The following MASP1 variants were observed in gnomAD, a reference collection of about 807,000 sequenced individuals.
The protein encoded by MASP1 is mannan-binding lectin serine protease 1.
In MASP1, 59 loss-of-function variants were observed where a neutral mutation model predicts 77.1. The ratio of observed to expected loss-of-function variants is 0.77; its 90% CI spans 0.62 to 0.95. The LOEUF (loss-of-function observed/expected upper bound fraction) is 0.95, where lower values mean the gene tolerates loss of function less well. Ranked by LOEUF, MASP1 falls within the 40% of genes least tolerant of loss-of-function variation. The probability of loss-of-function intolerance (pLI) is 0.00; values close to 1 mark genes in which losing one functional copy is unlikely to be tolerated. For missense variants in MASP1, 885 were observed against 912.9 expected, an observed-to-expected ratio of 0.97 and a Z score of 0.39; for synonymous variants, 362 against 354.5, an observed-to-expected ratio of 1.02 and a Z score of -0.24.
intron 10 of MASP1, among the ~76,000 whole-genome samples, chr3:187,239,276 C>T (rs999927727): frequency 3.9e-5 from 6 of 152,068 alleles, no homozygotes; most frequent in African/African-American, 1.4e-4. Context: ...TTGCTTGAAC[C>T]CAGGAGGCAG....
chr3:187,228,664 C>T (rs891408406), intron 11 of MASP1, among the ~76,000 whole-genome samples: 2 of 152,106 alleles, frequency 1.3e-5, no homozygotes, highest in African/African-American at 4.8e-5. Flanking sequence ...TTCTGGTCCT[C>T]TGTCTCCCTT....
downstream of MASP1, among the ~76,000 whole-genome samples, chr3:187,232,662 C>T (rs186994866): frequency 3.9e-5 from 6 of 152,280 alleles, no homozygotes; most frequent in Admixed American, 2.0e-4. Context: ...TGTGTCTCCC[C>T]GACTCCATGT....
intron 2 of MASP1, among the ~76,000 whole-genome samples, chr3:187,269,584 G>A (rs957391126): frequency 6.6e-6 from 1 of 152,178 alleles, no homozygotes; most frequent in African/African-American, 2.4e-5. Flanking sequence ...AGAGAGCAAT[G>A]GACTGGGGAT....
chr3:187,262,428 G>A, intron 3 of MASP1, 115 bp downstream of exon 3: 1 of 1,013,492 alleles, frequency 9.9e-7, no homozygotes, highest in South Asian at 1.3e-5. Flanking sequence ...GACATTAATG[G>A]TAAAATCTAT....
downstream of MASP1, chr3:187,229,640 G>A (rs1404404038): frequency 1.5e-5 from 20 of 1,321,204 alleles, no homozygotes; most frequent in Admixed American, 2.0e-5. Flanking sequence ...TCTTTCTACC[G>A]CACTGTGCTT....
chr3:187,250,107 C>T, intron 8 of MASP1, 144 bp downstream of exon 8: 2 of 747,036 alleles, frequency 2.7e-6, no homozygotes, highest in Non-Finnish European at 4.9e-6. Context: ...TCTTTTTTTT[C>T]CCAACCCTTG....
chr3:187,288,634 A>G (rs182840489), intron 1 of MASP1, among the ~76,000 whole-genome samples: 1 of 152,326 alleles, frequency 6.6e-6, no homozygotes, highest in East Asian at 1.9e-4. Flanking sequence ...AGTTCCCAAA[A>G]AGCAAGAGTC....
chr3:187,235,528 T>G lies in MASP1; in HGVS notation c.*156A>C. On this transcript the variant is annotated 3_prime_UTR_variant, in exon 11 of 11. Transcript: ENST00000296280. Reference sequence around the variant, plus strand: ...GGAGCCTTTTCCCTATACCACACTCTGCCTCTCAGGGTCCTGGGGGCTGTC... The same window carrying G: ...GGAGCCTTTTCCCTATACCACACTCGGCCTCTCAGGGTCCTGGGGGCTGTC... The G allele has an allele frequency of 5.2e-6, 8 of 1,534,520 alleles. No homozygotes were observed. The highest frequency in any genetic ancestry group is 6.1e-6 in the Non-Finnish European group (7 of 1,147,380).
intron 14 of MASP1, among the ~76,000 whole-genome samples, chr3:187,221,532 A>G (rs1411891860): frequency 6.6e-6 from 1 of 152,200 alleles, no homozygotes; most frequent in Non-Finnish European, 1.5e-5. Context: ...TGGCTTACTC[A>G]TTGTTTTTCA....
chr3:187,253,390 C>A, intron 5 of MASP1, 75 bp from the exon 6 acceptor site: 2 of 1,464,174 alleles, frequency 1.4e-6, no homozygotes, highest in Non-Finnish European at 9.6e-7. Flanking sequence ...GCAGGTAACA[C>A]CTCTCCACTG....
chr3:187,226,131 T>C (rs1301599992), intron 12 of MASP1: 1 of 468,310 alleles, frequency 2.1e-6, no homozygotes, highest in Non-Finnish European at 3.9e-6. Flanking sequence ...AAACCACAGG[T>C]TCATGGAAAT....
rs773406225 is a variant in MASP1 at position 187,236,581 on chromosome 3, G to A, written c.1304-14C>T. Reference sequence around the variant, plus strand: ...GCTGACCACACTCTGTAAGGAGAAAGAGGGAGCAGGGACAAGAGACAGAGA... The same window carrying A: ...GCTGACCACACTCTGTAAGGAGAAAAAGGGAGCAGGGACAAGAGACAGAGA... On this transcript the variant is annotated splice_polypyrimidine_tract_variant and intron_variant, in intron 10 of 10. Coordinates refer to ENST00000296280, the MANE Select transcript of MASP1 (RefSeq NM_139125.4). 1.2e-6 allele frequency: 2 copies of A among 1,613,746 alleles called. No homozygotes were observed. The highest frequency in any genetic ancestry group is 2.2e-5 in the South Asian group (2 of 91,088).
At chr3:187,220,928 C>A (rs151279132) in intron 15 of MASP1, 1 of 870,430 alleles carries the variant, frequency 1.1e-6, no homozygotes. Context: ...CCCCCGCGCC[C>A]CCACACTGCC....
chr3:187,224,327 G>A lies in MASP1; in HGVS notation c.1741+997C>T, dbSNP rs188309519. ...GGGAAATGGTCACAGTGGTGTTTGA[G>A]CCTGTGCTGAGTATTTTTTTTTTTT... On this transcript the variant is annotated intron_variant, in intron 13 of 15. Coordinates refer to the MASP1 transcript ENST00000337774. 2.0e-3 allele frequency among the ~76,000 whole-genome samples: 305 copies of A among 151,452 alleles called. 1 individual carries two copies. The highest frequency in any genetic ancestry group is 3.9e-3 in the Non-Finnish European group (265 of 67,914).
intron 1 of MASP1, among the ~76,000 whole-genome samples, chr3:187,289,879 C>T (rs1163905473): frequency 1.3e-5 from 2 of 152,170 alleles, no homozygotes; most frequent in Non-Finnish European, 2.9e-5. Flanking sequence ...TTACTTCATC[C>T]AGAATCTGAA....
chr3:187,238,499 C>T (rs373181944), intron 10 of MASP1, among the ~76,000 whole-genome samples: 3 of 152,306 alleles, frequency 2.0e-5, no homozygotes, highest in South Asian at 4.2e-4. Flanking sequence ...CCATTCCCCA[C>T]CCAGTCTTTC....
At chr3:187,226,512 A>T in exon 12 of MASP1, 1 of 1,608,832 alleles carries the variant, frequency 6.2e-7, no homozygotes, top group Non-Finnish European at 8.5e-7. Flanking sequence ...GTCACGATCC[A>T]GCTGGAGCCT....
At chr3:187,224,852 C>T (rs944652668) in intron 13 of MASP1, among the ~76,000 whole-genome samples, 17 of 152,198 alleles carry the variant, frequency 1.1e-4, no homozygotes, top group African/African-American at 3.9e-4. Flanking sequence ...CAGTAGTGGC[C>T]ATTGTTTCCA....
At chr3:187,232,131 C>T (rs746677377), downstream of MASP1, among the ~76,000 whole-genome samples, 43 of 152,128 alleles carry the variant, frequency 2.8e-4, no homozygotes, top group Non-Finnish European at 2.2e-4. Context: ...TATTGGGACT[C>T]TTAGCAGCAT....
Sources: gnomAD v4.1 joint callset for allele counts (sites outside exome capture counted in the v4.1 genomes callset) on GRCh38, gnomAD v4.1.1 for gene constraint, MANE v1.5 for transcripts, NCBI Gene and HGNC (gene_info 2026-07-23, HGNC 2026-07-21) for gene names.